MTURN: variants seen among roughly 807,000 people sequenced by gnomAD.
The protein encoded by MTURN is maturin, neural progenitor differentiation regulator homolog.
In MTURN, 7 loss-of-function variants were observed where a neutral mutation model predicts 14.9. That is an observed-to-expected ratio of 0.47 (90% CI 0.27 to 0.88). The LOEUF is 0.88. Among genes scored for constraint, MTURN ranks in the 40% least tolerant of loss-of-function variants. The probability of loss-of-function intolerance (pLI) is 0.14; values close to 1 mark genes in which losing one functional copy is unlikely to be tolerated. For missense variants in MTURN, 151 were observed against 174.1 expected, an observed-to-expected ratio of 0.87 and a Z score of 0.75; for synonymous variants, 69 against 72.5, an observed-to-expected ratio of 0.95 and a Z score of 0.25.
intron 2 of MTURN, among the ~76,000 whole-genome samples, chr7:30,155,169 G>T (rs1045497249): frequency 2.0e-5 from 3 of 152,188 alleles, no homozygotes; most frequent in Admixed American, 6.5e-5. Flanking sequence ...CGGGGCCTCA[G>T]AATCCTGAAA....
intron 2 of MTURN, among the ~76,000 whole-genome samples, chr7:30,155,740 TTGTCC>T (rs1797277884): frequency 6.6e-6 from 1 of 152,218 alleles, no homozygotes; most frequent in Admixed American, 6.5e-5. Context: ...GCAGATGATT[TTGTCC>T]TGAATGTGTT....
At chr7:30,135,894 G>A (rs1418102315) in intron 1 of MTURN, among the ~76,000 whole-genome samples, 1 of 152,254 alleles carries the variant, frequency 6.6e-6, no homozygotes, top group Admixed American at 6.5e-5. Context: ...TACTAGCGAT[G>A]CCCGATCTCC....
rs1036852595 is a variant in MTURN, at chr7:30,158,454, A to G, written c.*906A>G. ...TTTGTTAGAAAAGTAAACCAGGATT[A>G]AAAGTTTTTAAAAATATGGTAGAAT... On this transcript the variant is annotated 3_prime_UTR_variant, in exon 3 of 3. Coordinates refer to ENST00000324453, the MANE Select transcript of MTURN (RefSeq NM_152793.3). 3.3e-5 allele frequency: 5 copies of G among 152,652 alleles called. No individual in the cohort carries two copies. 9.5% of individuals were successfully genotyped at this position (152,652 alleles called of 1,614,324 possible).
At chr7:30,155,643 T>C (rs1436800440) in intron 2 of MTURN, among the ~76,000 whole-genome samples, 1 of 152,246 alleles carries the variant, frequency 6.6e-6, no homozygotes, top group Non-Finnish European at 1.5e-5. Flanking sequence ...AGCTGTGGCA[T>C]GCTCAGCTCT....
chr7:30,144,704 A>G (rs1797103326), intron 1 of MTURN, among the ~76,000 whole-genome samples: 1 of 152,172 alleles, frequency 6.6e-6, no homozygotes. Flanking sequence ...GCACCTAGTT[A>G]TTCTCATTTG....
At chr7:30,143,382 A>T in intron 1 of MTURN, among the ~76,000 whole-genome samples, 2 of 142,160 alleles carry the variant, frequency 1.4e-5, no homozygotes, top group African/African-American at 2.6e-5. Flanking sequence ...CCAATGACAG[A>T]CTTAATTTTT....
intron 1 of MTURN, among the ~76,000 whole-genome samples, chr7:30,136,238 G>A (rs1053397238): frequency 8.5e-5 from 13 of 152,158 alleles, no homozygotes; most frequent in African/African-American, 2.9e-4. Context: ...CTTCCACTTT[G>A]AATCCTGCAC....
At position 30,153,709 on chromosome 7, in the gene MTURN, T is replaced by TTTTTATTTTA. The variant is rs548142079; in HGVS notation, c.286-3714_286-3705dup. Among the ~76,000 whole-genome samples the TTTTTATTTTA allele has an allele frequency of 8.8e-3, 1,341 of 152,172 alleles. 14 individuals carry two copies. Among genetic ancestry groups the TTTTTATTTTA allele is most frequent in the African/African-American group, 0.031 (1,275 of 41,460 alleles). On this transcript the variant is annotated intron_variant, in intron 2 of 2. Transcript: ENST00000324453. ...AGTGCATTTGCTGTGCCAAACCCCC[T>TTTTTATTTTA]TTTTATTTTATTTTATTTTATTTTT...
rs1027238228 is a variant in MTURN, at chr7:30,147,345, C to T, written c.285+1046C>T. Among the ~76,000 whole-genome samples, 11 of 152,298 alleles carry T rather than the reference C, an allele frequency of 7.2e-5. No individual in the cohort carries two copies. In the East Asian group the frequency reaches 1.5e-3, roughly 21 times the overall value. Reference sequence around the variant, plus strand: ...TCCAGAGAGGATTTCTGTTTGCTTCCGTCAGGACTTGGGGGCCTATTAGTC... The same window carrying T: ...TCCAGAGAGGATTTCTGTTTGCTTCTGTCAGGACTTGGGGGCCTATTAGTC... On this transcript the variant is annotated intron_variant, in intron 2 of 2. Transcript: ENST00000324453.
At chr7:30,146,357 A>G (rs1050616461) in intron 2 of MTURN, 58 bp downstream of exon 2, 1 of 1,602,622 alleles carries the variant, frequency 6.2e-7, no homozygotes, top group Middle Eastern at 1.7e-4. Flanking sequence ...TGTGTTTAGA[A>G]TAACAGGGGC....
chr7:30,143,345 T>G (rs1583504679), intron 1 of MTURN, among the ~76,000 whole-genome samples: 1 of 147,608 alleles, frequency 6.8e-6, no homozygotes, highest in African/African-American at 2.5e-5. Flanking sequence ...CTTATTTCCC[T>G]CCCTTTGTCC....
rs1215955353 is a variant in MTURN, at chr7:30,157,591, C to G, written c.*43C>G. 2 of 1,475,588 alleles carry G rather than the reference C, an allele frequency of 1.4e-6. No homozygotes were observed. The highest frequency in any genetic ancestry group is 1.8e-6 in the Non-Finnish European group (2 of 1,093,354). 91.4% of individuals were successfully genotyped at this position (1,475,588 alleles called of 1,614,324 possible). A position where few individuals can be genotyped will look rare whatever the true frequency, so the allele number is the denominator to read the frequency against. On this transcript the variant is annotated 3_prime_UTR_variant, in exon 3 of 3. Transcript: ENST00000324453. ...AGAAGGAGAGTGAGCCCCACAGTAA[C>G]CTAGGTGGGGTCACTGCCCCTCCTG...
intron 1 of MTURN, among the ~76,000 whole-genome samples, chr7:30,136,333 C>T (rs190156088): frequency 5.8e-4 from 89 of 152,256 alleles, no homozygotes; most frequent in African/African-American, 2.0e-3. Flanking sequence ...GTAGGGCGAG[C>T]ACGGTGCTCA....
chr7:30,145,725 A>G (rs1280122140), intron 1 of MTURN: 3 of 1,160,088 alleles, frequency 2.6e-6, no homozygotes, highest in Non-Finnish European at 3.5e-6. Context: ...GATCTGGGTA[A>G]AGAATGTCTT....
At chr7:30,143,337 T>C (rs189489602) in intron 1 of MTURN, among the ~76,000 whole-genome samples, 1 of 151,522 alleles carries the variant, frequency 6.6e-6, no homozygotes, top group Non-Finnish European at 1.5e-5. Context: ...TCTTGGATCT[T>C]ATTTCCCTCC....
intron 2 of MTURN, among the ~76,000 whole-genome samples, chr7:30,150,629 G>A (rs886762869): frequency 6.6e-6 from 1 of 152,188 alleles, no homozygotes; most frequent in Non-Finnish European, 1.5e-5. Context: ...CGTATTCGAA[G>A]GGCTAGGAGT....
chr7:30,152,873 T>C lies in MTURN; in HGVS notation c.286-4565T>C, dbSNP rs577472422. ...ATTCTCCAGAGTTGGCAGCTCTGCC[T>C]TTCTGGTGCAACCTGTTTGGATAGA... On this transcript the variant is annotated intron_variant, in intron 2 of 2. Coordinates refer to ENST00000324453, the MANE Select transcript of MTURN (RefSeq NM_152793.3). 3.3e-5 allele frequency among the ~76,000 whole-genome samples: 5 copies of C among 152,328 alleles called. No homozygotes were observed. In the East Asian group the frequency reaches 9.6e-4, roughly 29 times the overall value.
chr7:30,146,860 C>G (rs1341245829), intron 2 of MTURN, among the ~76,000 whole-genome samples: 1 of 152,182 alleles, frequency 6.6e-6, no homozygotes, highest in Non-Finnish European at 1.5e-5. Flanking sequence ...AGCTGACAGT[C>G]TGTTTTCATT....
In MTURN at chr7:30,150,820, G is replaced by A. The variant is rs983167484; in HGVS notation, c.285+4521G>A. ...GTTTCCTTAGAAATGGCTCCATGTG[G>A]TGGAAGGTAGATCGGCTCTGCCCTG... On this transcript the variant is annotated intron_variant, in intron 2 of 2. Transcript: ENST00000324453. Among the ~76,000 whole-genome samples, 5 of 152,338 alleles carry A rather than the reference G, an allele frequency of 3.3e-5. No homozygotes were observed. The East Asian group carries it at 9.6e-4, about 29-fold the overall frequency.
Sources: allele counts gnomAD v4.1 joint callset (sites outside exome capture counted in the v4.1 genomes callset), GRCh38; gene constraint gnomAD v4.1.1; transcripts MANE v1.5; gene names NCBI Gene and HGNC (gene_info 2026-07-23, HGNC 2026-07-21).